RTP2: variants seen among roughly 807,000 people sequenced by gnomAD.
The protein encoded by RTP2 is receptor transporter protein 2, also known as receptor-transporting protein 2.
Under a neutral mutation model 17.9 loss-of-function variants are expected in RTP2, and 12 were observed. The observed-to-expected ratio is 0.67, with a 90% CI of 0.43 to 1.09. The LOEUF (loss-of-function observed/expected upper bound fraction) is 1.09, where lower values mean the gene tolerates loss of function less well. RTP2 is among the 50% of genes least tolerant of loss of function. RTP2 has a pLI of 0.00. For synonymous variants in RTP2, 126 were observed against 117.7 expected, an observed-to-expected ratio of 1.07 and a Z score of -0.46; for missense variants, 327 against 295.7, an observed-to-expected ratio of 1.11 and a Z score of -0.78.
rs545053889 is a variant in RTP2 at position 187,702,432 on chromosome 3, T to C, written c.-304A>G. On this transcript the variant is annotated 5_prime_UTR_variant, in exon 1 of 2. It removes the in-frame stop codon of an upstream open reading frame in the 5' UTR. Transcript: ENST00000358241. ...AGCAAGCACAGTGGGAGGCCCAACC[T>C]CAGACCACACTCATCTGGATTTCCA... 1.9e-6 allele frequency: 1 copy of C among 513,464 alleles called. No individual in the cohort carries two copies. The highest frequency in any genetic ancestry group is 1.9e-5 in the African/African-American group (1 of 52,408). The allele number at this position is 513,464 out of a possible 1,614,324, so 31.8% of individuals were successfully genotyped here.
chr3:187,710,069 A>G, the RTP2 span, among the ~76,000 whole-genome samples: 2 of 152,168 alleles, frequency 1.3e-5, no homozygotes, highest in African/African-American at 4.8e-5. Context: ...GGCCCTCCCA[A>G]CGTGGATGGG....
At chr3:187,705,727 G>T (rs866835062), upstream of RTP2, among the ~76,000 whole-genome samples, 1 of 152,104 alleles carries the variant, frequency 6.6e-6, no homozygotes, top group African/African-American at 2.4e-5. Flanking sequence ...AGGCTGTTTG[G>T]CCCCAACACT....
the RTP2 span, among the ~76,000 whole-genome samples, chr3:187,709,962 G>T: frequency 6.6e-6 from 1 of 152,152 alleles, no homozygotes; most frequent in Admixed American, 6.5e-5. Context: ...ACCAAGAGGT[G>T]CTCAAATATC....
chr3:187,700,858 T>A (rs1406582731), intron 1 of RTP2, among the ~76,000 whole-genome samples: 1 of 152,208 alleles, frequency 6.6e-6, no homozygotes, highest in Non-Finnish European at 1.5e-5. Flanking sequence ...TTGATGGAAC[T>A]GACATGAATC....
exon 2 of RTP2, chr3:187,698,734 C>T (rs957618649): frequency 1.2e-6 from 2 of 1,613,990 alleles, no homozygotes; most frequent in Non-Finnish European, 1.7e-6. Context: ...CGATGCGGCC[C>T]GCTGTCCGGG....
At chr3:187,700,949 C>T (rs113120457) in intron 1 of RTP2, among the ~76,000 whole-genome samples, 1,723 of 152,276 alleles carry the variant, frequency 0.011, 33 homozygotes, top group African/African-American at 0.039. Context: ...AGAGTACAAA[C>T]GTAAGCTCCC....
At chr3:187,698,950 T>A in exon 2 of RTP2, 1 of 1,606,772 alleles carries the variant, frequency 6.2e-7, no homozygotes, top group Non-Finnish European at 8.5e-7. Flanking sequence ...TCCAGGAACA[T>A]GTGGAAGAGG....
chr3:187,712,973 G>A, the RTP2 span, among the ~76,000 whole-genome samples: 1 of 152,218 alleles, frequency 6.6e-6, no homozygotes, highest in East Asian at 1.9e-4. Flanking sequence ...CAATCAAGGC[G>A]AAAGCTGTTT....
chr3:187,713,522 G>A, the RTP2 span, among the ~76,000 whole-genome samples: 2 of 152,186 alleles, frequency 1.3e-5, no homozygotes, highest in South Asian at 4.1e-4. Flanking sequence ...CAAGAACGCT[G>A]GTTACAGAAT....
chr3:187,702,657 C>T (rs4389470), upstream of RTP2: 445,250 of 449,538 alleles, frequency 0.99, 220,622 homozygotes, highest in East Asian at 1. Context: ...TAGCACAAAC[C>T]GCTTGACCTG....
chr3:187,707,038 C>T (rs1429098350), upstream of RTP2, among the ~76,000 whole-genome samples: 1 of 152,172 alleles, frequency 6.6e-6, no homozygotes, highest in Non-Finnish European at 1.5e-5. Context: ...TATATGAAGG[C>T]TCATTCATTC....
the RTP2 span, among the ~76,000 whole-genome samples, chr3:187,711,262 T>C: frequency 6.6e-6 from 1 of 152,212 alleles, no homozygotes; most frequent in African/African-American, 2.4e-5. Flanking sequence ...GCTGTCGGCA[T>C]GACTGAAACA....
At chr3:187,704,057 C>T (rs978300804), upstream of RTP2, among the ~76,000 whole-genome samples, 4 of 152,168 alleles carry the variant, frequency 2.6e-5, no homozygotes, top group African/African-American at 9.7e-5. Context: ...TAAGAGCTCA[C>T]AAATGTATAT....
At chr3:187,711,775 T>C in the RTP2 span, among the ~76,000 whole-genome samples, 1 of 152,156 alleles carries the variant, frequency 6.6e-6, no homozygotes, top group Non-Finnish European at 1.5e-5. Context: ...GTAAGAATAA[T>C]AAAAGAGATG....
At chr3:187,713,821 T>C in the RTP2 span, among the ~76,000 whole-genome samples, 2 of 152,196 alleles carry the variant, frequency 1.3e-5, no homozygotes, top group Non-Finnish European at 2.9e-5. Context: ...CCTCGGATCC[T>C]TTTGTTACTT....
chr3:187,709,190 A>G, the RTP2 span, among the ~76,000 whole-genome samples: 1 of 152,162 alleles, frequency 6.6e-6, no homozygotes, highest in African/African-American at 2.4e-5. Context: ...TTTTTAAAAC[A>G]TTGCAGTGTT....
chr3:187,699,293 C>T (rs948385564), intron 1 of RTP2, among the ~76,000 whole-genome samples: 1 of 152,112 alleles, frequency 6.6e-6, no homozygotes, highest in Non-Finnish European at 1.5e-5. Context: ...TGCCCCCCAG[C>T]CCGATGCACT....
intron 1 of RTP2, 52 bp downstream of exon 1, chr3:187,701,913 C>T: frequency 3.3e-6 from 5 of 1,497,962 alleles, no homozygotes; most frequent in Non-Finnish European, 3.6e-6. Flanking sequence ...AAGTACCCCA[C>T]AGCTGTGACC....
chr3:187,704,400 T>C (rs1717937921), upstream of RTP2, among the ~76,000 whole-genome samples: 1 of 152,192 alleles, frequency 6.6e-6, no homozygotes, highest in East Asian at 1.9e-4. Context: ...TGGAGAGTTC[T>C]GAAAACTGTA....
Sources: allele counts gnomAD v4.1 joint callset (sites outside exome capture counted in the v4.1 genomes callset), GRCh38; gene constraint gnomAD v4.1.1; transcripts MANE v1.5; gene names NCBI Gene and HGNC (gene_info 2026-07-23, HGNC 2026-07-21).